Variants in CDH4 observed in about 807,000 individuals in gnomAD.
CDH4 encodes cadherin-4.
A neutral mutation model predicts 86.0 loss-of-function variants in CDH4; 33 were observed. The observed-to-expected ratio is 0.38, with a 90% CI of 0.29 to 0.51. The LOEUF (loss-of-function observed/expected upper bound fraction) is 0.51, where lower values mean the gene tolerates loss of function less well. Ranked by LOEUF, CDH4 falls within the 20% of genes least tolerant of loss-of-function variation. The pLI, the probability that CDH4 is intolerant of heterozygous loss-of-function variation, is 0.86. For missense variants in CDH4, 1,114 were observed against 1,307.4 expected, an observed-to-expected ratio of 0.85 and a Z score of 2.28; for synonymous variants, 555 against 549.4, an observed-to-expected ratio of 1.01 and a Z score of -0.14.
chr20:61,905,655 A>G (rs1277558818), intron 8 of CDH4, among the ~76,000 whole-genome samples: 1 of 152,132 alleles, frequency 6.6e-6, no homozygotes, highest in African/African-American at 2.4e-5. Context: ...AGCTCAAGGA[A>G]TCTCTGCAGT....
At chr20:61,701,267 G>C (rs558815157) in intron 2 of CDH4, among the ~76,000 whole-genome samples, 2 of 152,186 alleles carry the variant, frequency 1.3e-5, no homozygotes, top group Non-Finnish European at 2.9e-5. Context: ...CTAATTTCAT[G>C]TGCCATGACC....
At chr20:61,772,762 T>TC (rs1568806880) in intron 3 of CDH4, among the ~76,000 whole-genome samples, 1 of 152,206 alleles carries the variant, frequency 6.6e-6, no homozygotes, top group Admixed American at 6.5e-5. Flanking sequence ...GGTTTCTTTT[T>TC]CCCGCATTTA....
chr20:61,349,291 G>A (rs1304714678), intron 2 of CDH4, among the ~76,000 whole-genome samples: 1 of 152,250 alleles, frequency 6.6e-6, no homozygotes, highest in African/African-American at 2.4e-5. Context: ...TGGTTCTGGG[G>A]AGAAAGGTGG....
intron 2 of CDH4, among the ~76,000 whole-genome samples, chr20:61,436,121 G>T (rs908713478): frequency 6.6e-6 from 1 of 152,142 alleles, no homozygotes; most frequent in Non-Finnish European, 1.5e-5. Context: ...AGTGGAGCTG[G>T]CCCTGCCCTC....
At chr20:61,728,492 G>A (rs1029622605) in intron 2 of CDH4, among the ~76,000 whole-genome samples, 2 of 152,182 alleles carry the variant, frequency 1.3e-5, no homozygotes, top group Non-Finnish European at 2.9e-5. Context: ...TGAGGCTCGT[G>A]AGGGTGGGGA....
intron 2 of CDH4, among the ~76,000 whole-genome samples, chr20:61,737,735 ACCCAGTG>A (rs1449743955): frequency 6.6e-6 from 1 of 152,166 alleles, no homozygotes; most frequent in Non-Finnish European, 1.5e-5. Context: ...GCCGACATCC[ACCCAGTG>A]CCTGCCCTAT....
rs1251601139 is a variant in CDH4 at position 61,754,345 on chromosome 20, GC to G, written c.396+10559del. On this transcript the variant is annotated intron_variant, in intron 3 of 15. Coordinates refer to ENST00000614565, the MANE Select transcript of CDH4 (RefSeq NM_001794.5). The surrounding 1 kb of genome is among the most constrained non-coding windows in gnomAD (Gnocchi z 4.7). The stretch of plus-strand genomic sequence containing the variant: ...AGGAGTGTCCCCAGCCAGGGGTCCC[GC>G]CCAGGGCTCCAAATACCCCTGAATC... Among the ~76,000 whole-genome samples, 1 of 152,062 alleles carries G rather than the reference GC, an allele frequency of 6.6e-6. No homozygotes were observed. The highest frequency in any genetic ancestry group is 6.6e-5 in the Admixed American group (1 of 15,264).
rs369543176 is a variant in CDH4 at position 61,864,161 on chromosome 20, C to T, written c.878-9567C>T. The stretch of plus-strand genomic sequence containing the variant: ...GAGGCTGGAGTGACGTGGCCACAAG[C>T]CCAGGAGCACCCAAGTTGGACGGTG... On this transcript the variant is annotated intron_variant, in intron 6 of 15. Coordinates refer to ENST00000614565, the MANE Select transcript of CDH4 (RefSeq NM_001794.5). Among the ~76,000 whole-genome samples the T allele has an allele frequency of 9.2e-5, 14 of 152,358 alleles. No homozygotes were observed. In the East Asian group the frequency reaches 1.9e-3, roughly 21 times the overall value.
At chr20:61,535,695 C>T (rs1346441518) in intron 2 of CDH4, among the ~76,000 whole-genome samples, 1 of 152,108 alleles carries the variant, frequency 6.6e-6, no homozygotes, top group Non-Finnish European at 1.5e-5. Context: ...AGAGGGGGCC[C>T]GGGCTGCATA....
At chr20:61,759,041 G>A (rs929490789) in intron 3 of CDH4, among the ~76,000 whole-genome samples, 1 of 152,176 alleles carries the variant, frequency 6.6e-6, no homozygotes. Flanking sequence ...GTGTGCGTTC[G>A]CACATGGGAT....
chr20:61,410,901 C>G (rs1408316138), intron 2 of CDH4, among the ~76,000 whole-genome samples: 1 of 151,610 alleles, frequency 6.6e-6, no homozygotes, highest in Non-Finnish European at 1.5e-5. Context: ...ATCTCTCCAT[C>G]TATTCATCCA....
intron 2 of CDH4, among the ~76,000 whole-genome samples, chr20:61,261,599 G>C (rs1279257859): frequency 1.3e-5 from 2 of 152,176 alleles, no homozygotes; most frequent in African/African-American, 4.8e-5. Context: ...CTAAGGGTAG[G>C]AGATTTGCTC....
chr20:61,883,335 C>A (rs1039729521), intron 7 of CDH4, among the ~76,000 whole-genome samples: 4 of 152,220 alleles, frequency 2.6e-5, no homozygotes, highest in Non-Finnish European at 4.4e-5. Flanking sequence ...TCGGTCTCCT[C>A]CCCTAGAGCC....
intron 2 of CDH4, among the ~76,000 whole-genome samples, chr20:61,610,027 A>G (rs1177042238): frequency 6.6e-6 from 1 of 152,190 alleles, no homozygotes; most frequent in Non-Finnish European, 1.5e-5. Context: ...ATTTTGAAAC[A>G]TACAAAAAAT....
intron 2 of CDH4, among the ~76,000 whole-genome samples, chr20:61,589,492 T>G (rs1310116686): frequency 6.6e-6 from 1 of 152,220 alleles, no homozygotes; most frequent in African/African-American, 2.4e-5. Flanking sequence ...TTCCTCTTGG[T>G]GAATATGATG....
chr20:61,308,303 T>C (rs2084428147), intron 2 of CDH4, among the ~76,000 whole-genome samples: 2 of 152,220 alleles, frequency 1.3e-5, no homozygotes, highest in African/African-American at 2.4e-5. Context: ...TGAGTGCACA[T>C]ACTTAACCAA....
intron 2 of CDH4, among the ~76,000 whole-genome samples, chr20:61,381,309 G>A (rs2084899730): frequency 6.6e-6 from 1 of 152,210 alleles, no homozygotes; most frequent in African/African-American, 2.4e-5. Context: ...AGGGACTCAA[G>A]TTCTGAAATG....
At chr20:61,467,401 T>C (rs1458552675) in intron 2 of CDH4, among the ~76,000 whole-genome samples, 2 of 152,228 alleles carry the variant, frequency 1.3e-5, no homozygotes, top group Non-Finnish European at 2.9e-5. Context: ...CTCTGAATTA[T>C]TTTGGGTACT....
chr20:61,471,015 T>C (rs1419674052), intron 2 of CDH4, among the ~76,000 whole-genome samples: 2 of 152,098 alleles, frequency 1.3e-5, no homozygotes, highest in Non-Finnish European at 2.9e-5. Flanking sequence ...TGATGTATCT[T>C]TGTCTGGGTG....
Sources: allele counts gnomAD v4.1 joint callset (sites outside exome capture counted in the v4.1 genomes callset), GRCh38; gene constraint gnomAD v4.1.1; non-coding constraint Gnocchi (gnomAD v3.1); transcripts MANE v1.5; gene names NCBI Gene and HGNC (gene_info 2026-07-23, HGNC 2026-07-21).